Variants in KCNIP4 observed in about 807,000 individuals in gnomAD.
KCNIP4 encodes the protein potassium voltage-gated channel interacting protein 4.
In KCNIP4, 12 loss-of-function variants were observed where a neutral mutation model predicts 34.0. That is an observed-to-expected ratio of 0.35 (90% confidence interval 0.23 to 0.57). The LOEUF (loss-of-function observed/expected upper bound fraction) is 0.57, where lower values mean the gene tolerates loss of function less well. KCNIP4 is among the 20% of genes least tolerant of loss of function. The pLI, the probability that KCNIP4 is intolerant of heterozygous loss-of-function variation, is 0.83. For synonymous variants in KCNIP4, 124 were observed against 102.2 expected, an observed-to-expected ratio of 1.21 and a Z score of -1.29; for missense variants, 238 against 311.7, an observed-to-expected ratio of 0.76 and a Z score of 1.78.
At chr4:20,975,690 A>G (rs1300749864) in intron 1 of KCNIP4, among the ~76,000 whole-genome samples, 2 of 152,166 alleles carry the variant, frequency 1.3e-5, no homozygotes, top group East Asian at 1.9e-4. Flanking sequence ...CCAAAAAACA[A>G]TAAGTCATCA....
At chr4:20,806,286 T>C (rs1012598828) in intron 3 of KCNIP4, among the ~76,000 whole-genome samples, 2 of 152,002 alleles carry the variant, frequency 1.3e-5, no homozygotes, top group African/African-American at 2.4e-5. Context: ...TTTTATTTCC[T>C]GAGATCTGCT....
intron 1 of KCNIP4, among the ~76,000 whole-genome samples, chr4:21,074,096 C>A (rs905527412): frequency 1.3e-5 from 2 of 152,040 alleles, no homozygotes; most frequent in African/African-American, 4.8e-5. Flanking sequence ...GTCTAAAATT[C>A]TCTTTTTTTG....
intron 1 of KCNIP4, among the ~76,000 whole-genome samples, chr4:21,335,158 A>T (rs897633189): frequency 6.6e-6 from 1 of 152,034 alleles, no homozygotes; most frequent in Admixed American, 6.6e-5. Context: ...TAGTAGGAAA[A>T]AAAAATACAC....
At chr4:21,098,016 T>C (rs58548088) in intron 1 of KCNIP4, among the ~76,000 whole-genome samples, 24,231 of 152,074 alleles carry the variant, frequency 0.16, 2,040 homozygotes, top group East Asian at 0.23. Flanking sequence ...ACTGAAACAA[T>C]CTTATTGCTG....
intron 1 of KCNIP4, among the ~76,000 whole-genome samples, chr4:21,187,802 C>T (rs918956281): frequency 9.2e-5 from 14 of 152,122 alleles, no homozygotes; most frequent in South Asian, 4.2e-4. Flanking sequence ...TCTAATTCAC[C>T]TGAGACAAAA....
chr4:21,775,785 G>C (rs1001865567), intron 1 of KCNIP4, among the ~76,000 whole-genome samples: 2 of 152,238 alleles, frequency 1.3e-5, no homozygotes, highest in African/African-American at 4.8e-5. Context: ...TTGGGACCAA[G>C]CCATTCAGCC....
intron 1 of KCNIP4, among the ~76,000 whole-genome samples, chr4:21,616,462 A>G (rs1333461993): frequency 6.6e-6 from 1 of 152,190 alleles, no homozygotes; most frequent in African/African-American, 2.4e-5. Context: ...AATTGTCTAC[A>G]ACAGGTCCTG....
chr4:21,119,654 T>C (rs989791142), intron 1 of KCNIP4, among the ~76,000 whole-genome samples: 12 of 151,944 alleles, frequency 7.9e-5, no homozygotes, highest in Non-Finnish European at 1.5e-4. Context: ...CATTTTTAAA[T>C]CATAGAAATT....
chr4:21,099,553 A>C (rs1747758283), intron 1 of KCNIP4, among the ~76,000 whole-genome samples: 2 of 152,120 alleles, frequency 1.3e-5, no homozygotes, highest in African/African-American at 4.8e-5. Context: ...CAGCAAACCA[A>C]CATGGCACAC....
At position 21,685,884 on chromosome 4, in the gene KCNIP4, G is replaced by C. The variant is rs147542098; in HGVS notation, c.61+262687C>G. On this transcript the variant is annotated intron_variant, in intron 1 of 8. Coordinates refer to ENST00000382152, the MANE Select transcript of KCNIP4 (RefSeq NM_025221.6). ...TAGGCTAGGAGGGCATCATTGGAAG[G>C]AACATTTGCATGTATTTGGGAACAT... is the stretch of plus-strand genomic sequence containing the variant. Among the ~76,000 whole-genome samples, 403 of 152,308 alleles carry C rather than the reference G, an allele frequency of 2.6e-3. 1 individual carries two copies. The highest frequency in any genetic ancestry group is 7.7e-3 in the African/African-American group (322 of 41,580).
intron 5 of KCNIP4, among the ~76,000 whole-genome samples, chr4:20,745,489 A>C (rs1752225646): frequency 6.6e-6 from 1 of 152,190 alleles, no homozygotes. Flanking sequence ...TGCTTTTCTG[A>C]GTTGTAATTG....
intron 1 of KCNIP4, among the ~76,000 whole-genome samples, chr4:21,174,928 A>G (rs1485477223): frequency 1.3e-5 from 2 of 151,584 alleles, no homozygotes; most frequent in African/African-American, 4.8e-5. Context: ...AAAAAAAAGC[A>G]TTAGTAATAT....
chr4:20,999,007 G>T (rs927670828), intron 1 of KCNIP4, among the ~76,000 whole-genome samples: 2 of 152,146 alleles, frequency 1.3e-5, no homozygotes, highest in Non-Finnish European at 1.5e-5. Flanking sequence ...AAATAAAGAG[G>T]CAGTTATTAA....
intron 1 of KCNIP4, among the ~76,000 whole-genome samples, chr4:21,393,173 T>C (rs539848060): frequency 6.6e-6 from 1 of 152,314 alleles, no homozygotes; most frequent in Non-Finnish European, 1.5e-5. Flanking sequence ...GCCAGATTAT[T>C]AGAAAACTCT....
rs117007337 is a variant in KCNIP4, at chr4:21,056,122, A to G, written c.62-173413T>C. Among the ~76,000 whole-genome samples, 18 of 152,280 alleles carry G rather than the reference A, an allele frequency of 1.2e-4. No individual in the cohort carries two copies. The East Asian group carries it at 3.5e-3, about 29-fold the overall frequency. ...AAACTGCCCTAAAAAAGTCTTTCTT[A>G]AAAAGAGTCCAGAACAAAGACAAAA... On this transcript the variant is annotated intron_variant, in intron 1 of 8. Coordinates refer to ENST00000382152, the MANE Select transcript of KCNIP4 (RefSeq NM_025221.6).
At chr4:21,798,972 G>T (rs1720821795) in intron 1 of KCNIP4, among the ~76,000 whole-genome samples, 1 of 151,372 alleles carries the variant, frequency 6.6e-6, no homozygotes, top group African/African-American at 2.4e-5. Context: ...TTAATTAATT[G>T]ACTATGAGCT....
chr4:21,562,796 T>A (rs903960404), intron 1 of KCNIP4, among the ~76,000 whole-genome samples: 7 of 152,012 alleles, frequency 4.6e-5, no homozygotes, highest in African/African-American at 1.7e-4. Flanking sequence ...AAATTCCAGA[T>A]TTTAAACTAA....
intron 1 of KCNIP4, among the ~76,000 whole-genome samples, chr4:20,908,969 T>C (rs983984509): frequency 1.3e-5 from 2 of 152,218 alleles, no homozygotes; most frequent in Non-Finnish European, 2.9e-5. Context: ...CACAGTAAAC[T>C]GTGACAATTG....
At chr4:21,505,989 G>A (rs902398834) in intron 1 of KCNIP4, among the ~76,000 whole-genome samples, 20 of 152,114 alleles carry the variant, frequency 1.3e-4, no homozygotes, top group African/African-American at 4.8e-4. Flanking sequence ...TGTAATCCCA[G>A]CTACTCCGGA....
Sources: allele counts gnomAD v4.1 joint callset (sites outside exome capture counted in the v4.1 genomes callset), GRCh38; gene constraint gnomAD v4.1.1; transcripts MANE v1.5; gene names NCBI Gene and HGNC (gene_info 2026-07-23, HGNC 2026-07-21).